PCDHGA9: variants seen among roughly 807,000 people sequenced by gnomAD.
PCDHGA9 encodes protocadherin gamma-A9.
In PCDHGA9, 37 loss-of-function variants were observed where a neutral mutation model predicts 62.5. The observed-to-expected ratio is 0.59, with a 90% CI of 0.46 to 0.78. The LOEUF is 0.78. PCDHGA9 is among the 30% of genes least tolerant of loss of function. The pLI is 0.00. For synonymous variants in PCDHGA9, 459 were observed against 484.6 expected (o/e 0.95, Z 0.69); for missense variants, 1,138 against 1,166.2 (o/e 0.98, Z 0.35).
In PCDHGA9 at chr5:141,493,482, G is replaced by T. The variant is rs184736387; in HGVS notation, c.2425-1325G>T. The stretch of plus-strand genomic sequence containing the variant: ...TTTTAGGACCTTACATGTGGGGAAA[G>T]TCTTCTGTGGCTCCTCATTTCTGAG... On this transcript the variant is annotated intron_variant, in intron 1 of 3. Coordinates refer to ENST00000573521, the MANE Select transcript of PCDHGA9 (RefSeq NM_018921.3). The surrounding 1 kb of genome is among the most constrained non-coding windows in gnomAD (Gnocchi z 4.3). 6.6e-6 allele frequency among the ~76,000 whole-genome samples: 1 copy of T among 152,206 alleles called. No individual in the cohort carries two copies. Among genetic ancestry groups the T allele is most frequent in the Admixed American group, 6.5e-5 (1 of 15,282 alleles).
intron 1 of PCDHGA9, among the ~76,000 whole-genome samples, chr5:141,461,644 A>C (rs1266858748): frequency 1.3e-5 from 2 of 151,868 alleles, no homozygotes; most frequent in Non-Finnish European, 2.9e-5. Flanking sequence ...TTCTTCTTTG[A>C]CCCATGGATT....
At position 141,491,682 on chromosome 5, in the gene PCDHGA9, G is replaced by A. The variant is rs11952292; in HGVS notation, c.2425-3125G>A. The A allele has an allele frequency of 1.9e-6, 3 of 1,613,150 alleles. No individual in the cohort carries two copies. Among genetic ancestry groups the A allele is most frequent in the South Asian group, 1.1e-5 (1 of 91,046 alleles). On this transcript the variant is annotated intron_variant, in intron 1 of 3. Coordinates refer to ENST00000573521, the MANE Select transcript of PCDHGA9 (RefSeq NM_018921.3). The surrounding 1 kb of genome is among the most constrained non-coding windows in gnomAD (Gnocchi z 6.9). Reference sequence around the variant, plus strand: ...ACGCCATCCGGTCCCGCTCTAATACGCTGCGGGAGCGGAGCCAGGTGAGGG... The same window carrying A: ...ACGCCATCCGGTCCCGCTCTAATACACTGCGGGAGCGGAGCCAGGTGAGGG...
chr5:141,404,771 C>T lies in PCDHGA9; in HGVS notation c.1819C>T (p.Arg607Cys), dbSNP rs376650362. Residue 607 changes from arginine to cysteine, a missense_variant, in exon 1 of 4, where the codon CGC becomes TGC. By Grantham distance (180) the Arg-to-Cys change is radical. Coordinates refer to ENST00000573521, the MANE Select transcript of PCDHGA9 (RefSeq NM_018921.3). Reference sequence around the variant, plus strand: ...AGGCCAGAATGCTTGGCTCTCCTACCGCCTATTCAAGGCCAGTGAGCCAGG... The same window carrying T: ...AGGCCAGAATGCTTGGCTCTCCTACTGCCTATTCAAGGCCAGTGAGCCAGG... The part of the protein sequence containing the change: ...DSGQNAWLSY[R>C]LFKASEPGLF... The T allele has an allele frequency of 3.3e-5, 53 of 1,613,868 alleles. No homozygotes were observed. Among genetic ancestry groups the T allele is most frequent in the African/African-American group, 1.9e-4 (14 of 74,938 alleles).
At position 141,490,649 on chromosome 5, in the gene PCDHGA9, G is replaced by C. The variant is rs1428223995; in HGVS notation, c.2425-4158G>C. 1 of 1,614,148 alleles carries C rather than the reference G, an allele frequency of 6.2e-7. No homozygotes were observed. Among genetic ancestry groups the C allele is most frequent in the Admixed American group, 1.7e-5 (1 of 60,018 alleles). On this transcript the variant is annotated intron_variant, in intron 1 of 3. Coordinates refer to ENST00000573521, the MANE Select transcript of PCDHGA9 (RefSeq NM_018921.3). The surrounding 1 kb of genome is among the most constrained non-coding windows in gnomAD (Gnocchi z 5.4). ...TACATCCTAGAAAACCGGCCTCCGG[G>C]CTCCCTTCTTTGCACTGTGGCTGCC...
chr5:141,413,967 G>C, intron 1 of PCDHGA9: 15 of 1,613,428 alleles, frequency 9.3e-6, no homozygotes, highest in Non-Finnish European at 1.2e-5. Context: ...TGGGCACTCA[G>C]CTGCTGACAG....
At chr5:141,419,713 C>T in intron 1 of PCDHGA9, 1 of 1,613,264 alleles carries the variant, frequency 6.2e-7, no homozygotes, top group East Asian at 2.2e-5. Context: ...GGCTCTTCAG[C>T]CTGGGGCTGC....
intron 1 of PCDHGA9, chr5:141,441,971 G>C: frequency 3.3e-6 from 1 of 298,820 alleles, no homozygotes; most frequent in Admixed American, 4.4e-5. Flanking sequence ...AGGCTCTTCA[G>C]CCTGGAATGC....
Position 141,477,545 on chromosome 5 carries a change from C to T in PCDHGA9, c.2425-17262C>T. The T allele has an allele frequency of 6.2e-7, 1 of 1,614,194 alleles. No individual in the cohort carries two copies. Among genetic ancestry groups the T allele is most frequent in the South Asian group, 1.1e-5 (1 of 91,086 alleles). On this transcript the variant is annotated intron_variant, in intron 1 of 3. Coordinates refer to ENST00000573521, the MANE Select transcript of PCDHGA9 (RefSeq NM_018921.3). The surrounding 1 kb of genome is among the most constrained non-coding windows in gnomAD (Gnocchi z 4.9). ...AAACAACCTCCCCGGGGCTCCAATA[C>T]TAAACCTAAGTGTCTGGGACCCCGA...
At chr5:141,416,589 TTA>T (rs1386515449) in intron 1 of PCDHGA9, 2 of 151,996 alleles carry the variant, frequency 1.3e-5, no homozygotes, top group African/African-American at 4.8e-5. Context: ...CAAAATAAAC[TTA>T]GAGTCAAGAA....
intron 1 of PCDHGA9, chr5:141,426,568 C>T: frequency 5.6e-6 from 2 of 354,402 alleles, no homozygotes; most frequent in Non-Finnish European, 5.6e-6. Flanking sequence ...TCGAGAGTCA[C>T]TGTCTTCAAA....
At position 141,487,465 on chromosome 5, in the gene PCDHGA9, T is replaced by C. The variant is rs1354086784; in HGVS notation, c.2425-7342T>C. 1.9e-6 allele frequency: 3 copies of C among 1,614,194 alleles called. No individual in the cohort carries two copies. The highest frequency in any genetic ancestry group is 1.7e-6 in the Non-Finnish European group (2 of 1,180,020). Reference sequence around the variant, plus strand: ...CAGATGACCCTATCAAGTTTGTTGATGTGGGAGGCCACTCTCATGGCTGTA... The same window carrying C: ...CAGATGACCCTATCAAGTTTGTTGACGTGGGAGGCCACTCTCATGGCTGTA... On this transcript the variant is annotated intron_variant, in intron 1 of 3. Transcript: ENST00000573521. The surrounding 1 kb of genome is among the most constrained non-coding windows in gnomAD (Gnocchi z 5.0).
Position 141,431,051 on chromosome 5 carries a change from G to C in PCDHGA9, c.2424+25675G>C, listed in dbSNP as rs1280440001. On this transcript the variant is annotated intron_variant, in intron 1 of 3. Coordinates refer to ENST00000573521, the MANE Select transcript of PCDHGA9 (RefSeq NM_018921.3). This position sits in a 1 kb window ranked among gnomAD's most constrained non-coding sequence, Gnocchi z 4.8. ...GATAGACCGGGAGGAGCTCTGTATGGGGGCCATCAAGTGTCAATTAAATCT... is the reference window on the plus strand; with the variant it reads ...GATAGACCGGGAGGAGCTCTGTATGCGGGCCATCAAGTGTCAATTAAATCT... 3 of 1,614,218 alleles carry C rather than the reference G, an allele frequency of 1.9e-6. No homozygotes were observed. Among genetic ancestry groups the C allele is most frequent in the East Asian group, 2.2e-5 (1 of 44,886 alleles).
intron 1 of PCDHGA9, among the ~76,000 whole-genome samples, chr5:141,448,842 G>A (rs943887884): frequency 6.6e-6 from 1 of 152,182 alleles, no homozygotes; most frequent in Non-Finnish European, 1.5e-5. Context: ...CTACTCTGGA[G>A]GCTGAGGCAG....
intron 1 of PCDHGA9, chr5:141,421,807 G>C (rs1435916603): frequency 6.2e-7 from 1 of 1,613,852 alleles, no homozygotes; most frequent in Admixed American, 1.7e-5. Flanking sequence ...CAAGAATCCA[G>C]AGCTAGTACT....
At chr5:141,469,408 C>A (rs765861544) in intron 1 of PCDHGA9, among the ~76,000 whole-genome samples, 20 of 152,008 alleles carry the variant, frequency 1.3e-4, no homozygotes, top group Non-Finnish European at 2.6e-4. Flanking sequence ...AACCCCGTTT[C>A]TACTAAAAAT....
chr5:141,432,463 C>A lies in PCDHGA9; in HGVS notation c.2424+27087C>A, dbSNP rs781407406. On this transcript the variant is annotated intron_variant, in intron 1 of 3. Transcript: ENST00000573521. The surrounding 1 kb of genome is among the most constrained non-coding windows in gnomAD (Gnocchi z 6.0). Reference sequence around the variant, plus strand: ...CCGAGATCCTGTACCCCGCCCTCCCCACGGACGGTTCCACTGGCGTGGAGC... The same window carrying A: ...CCGAGATCCTGTACCCCGCCCTCCCAACGGACGGTTCCACTGGCGTGGAGC... The A allele has an allele frequency of 5.6e-6, 9 of 1,614,120 alleles. No homozygotes were observed. In the Admixed American group the frequency reaches 1.3e-4, roughly 24 times the overall value.
At chr5:141,472,998 GAAAGAA>G (rs1489589280) in intron 1 of PCDHGA9, among the ~76,000 whole-genome samples, 8 of 134,744 alleles carry the variant, frequency 5.9e-5, no homozygotes, top group South Asian at 2.3e-4. Flanking sequence ...AAAAAAAAAA[GAAAGAA>G]AAAGAAAAAG....
intron 1 of PCDHGA9, chr5:141,413,635 A>C: frequency 6.2e-7 from 1 of 1,613,888 alleles, no homozygotes; most frequent in Non-Finnish European, 8.5e-7. Context: ...CGCTGCGGGA[A>C]TGCGTTTTCC....
At chr5:141,462,459 C>T (rs190781980) in intron 1 of PCDHGA9, among the ~76,000 whole-genome samples, 11 of 152,128 alleles carry the variant, frequency 7.2e-5, no homozygotes, top group Admixed American at 2.6e-4. Flanking sequence ...TAACTGAAAA[C>T]TGTGTATTCT....
Sources: allele counts gnomAD v4.1 joint callset (sites outside exome capture counted in the v4.1 genomes callset), GRCh38; gene constraint gnomAD v4.1.1; non-coding constraint Gnocchi (gnomAD v3.1); transcripts MANE v1.5; gene names NCBI Gene and HGNC (gene_info 2026-07-23, HGNC 2026-07-21).